Variants in AGBL1 observed in about 807,000 individuals in gnomAD.
AGBL1 encodes the protein cytosolic carboxypeptidase 4.
In AGBL1, 130 loss-of-function variants were observed where a neutral mutation model predicts 118.9. The observed-to-expected ratio is 1.09, with a 90% CI of 0.95 to 1.26. The LOEUF is 1.26. Among genes scored for constraint, AGBL1 ranks in the 50% most tolerant of loss-of-function variants. The pLI is 0.00. For missense variants in AGBL1, 1,584 were observed against 1,298.1 expected, an observed-to-expected ratio of 1.22 and a Z score of -3.38; for synonymous variants, 555 against 478.9, an observed-to-expected ratio of 1.16 and a Z score of -2.08.
chr15:86,356,849 T>G (rs1001534160), intron 17 of AGBL1, among the ~76,000 whole-genome samples: 1 of 152,194 alleles, frequency 6.6e-6, no homozygotes, highest in Non-Finnish European at 1.5e-5. Flanking sequence ...TCATTTTACA[T>G]TTGAGTCAGC....
chr15:86,998,989 T>C (rs1449942051), intron 24 of AGBL1, among the ~76,000 whole-genome samples: 1 of 151,094 alleles, frequency 6.6e-6, no homozygotes, highest in Non-Finnish European at 1.5e-5. Flanking sequence ...ATTAGGTGTA[T>C]CTACTAATGC....
intron 18 of AGBL1, among the ~76,000 whole-genome samples, chr15:86,520,913 G>A (rs987924953): frequency 5.3e-5 from 8 of 152,076 alleles, no homozygotes; most frequent in South Asian, 2.1e-4. Flanking sequence ...TGTTGCTATC[G>A]GCATTGAAAA....
chr15:86,190,306 T>C (rs1476725781), intron 5 of AGBL1, among the ~76,000 whole-genome samples: 1 of 152,118 alleles, frequency 6.6e-6, no homozygotes, highest in Non-Finnish European at 1.5e-5. Context: ...TTTTCTCACA[T>C]ATATTTGTTT....
intron 22 of AGBL1, among the ~76,000 whole-genome samples, chr15:86,756,551 C>A (rs1303316041): frequency 6.6e-6 from 1 of 151,992 alleles, no homozygotes. Flanking sequence ...AAGAATTTAA[C>A]CTAGAATAAG....
chr15:86,215,235 G>A (rs1316738442), intron 5 of AGBL1, among the ~76,000 whole-genome samples: 1 of 142,152 alleles, frequency 7.0e-6, no homozygotes, highest in East Asian at 2.0e-4. Context: ...GTGTGTGTGT[G>A]TGTGTGTGTG....
At chr15:86,404,940 G>A (rs866518173) in intron 18 of AGBL1, among the ~76,000 whole-genome samples, 8 of 152,070 alleles carry the variant, frequency 5.3e-5, no homozygotes, top group African/African-American at 1.9e-4. Context: ...AAATGTACCT[G>A]AAAAATGGGC....
chr15:86,846,711 T>C (rs749104542), intron 22 of AGBL1, among the ~76,000 whole-genome samples: 1 of 152,160 alleles, frequency 6.6e-6, no homozygotes, highest in Non-Finnish European at 1.5e-5. Context: ...TTTGTATTTT[T>C]AGTAGAGACG....
At chr15:86,438,208 G>A (rs1683865115) in intron 18 of AGBL1, among the ~76,000 whole-genome samples, 1 of 152,074 alleles carries the variant, frequency 6.6e-6, no homozygotes, top group Non-Finnish European at 1.5e-5. Context: ...ACCCGGCCAA[G>A]CCTCAGTTTT....
At chr15:86,541,668 T>C (rs2142242607) in intron 19 of AGBL1, among the ~76,000 whole-genome samples, 1 of 148,828 alleles carries the variant, frequency 6.7e-6, no homozygotes, top group African/African-American at 2.5e-5. Context: ...TAGGACATCA[T>C]GCAAATCATG....
chr15:86,113,766 A>G lies in AGBL1; in HGVS notation c.52-28238A>G, dbSNP rs140637349. ...GGTGCTCACTATGCGAAGTGAACAA[A>G]TAGGGAATGCCACTTCCCAATAGTA... On this transcript the variant is annotated intron_variant, in intron 1 of 22. Coordinates refer to ENST00000614907, the MANE Select transcript of AGBL1 (RefSeq NM_001386094.1). 8.0e-3 allele frequency among the ~76,000 whole-genome samples: 1,217 copies of G among 152,342 alleles called. 24 individuals are homozygous for G. The highest frequency in any genetic ancestry group is 0.028 in the African/African-American group (1,148 of 41,572).
At chr15:86,648,696 T>A (rs2085324561) in intron 21 of AGBL1, among the ~76,000 whole-genome samples, 1 of 152,112 alleles carries the variant, frequency 6.6e-6, no homozygotes, top group African/African-American at 2.4e-5. Flanking sequence ...GTGTAGAGAC[T>A]AACAGAAGAC....
chr15:86,896,115 T>C (rs2080122283), intron 22 of AGBL1, among the ~76,000 whole-genome samples: 1 of 152,142 alleles, frequency 6.6e-6, no homozygotes, highest in Non-Finnish European at 1.5e-5. Context: ...GTTTAATATT[T>C]AAATCTACCT....
intron 22 of AGBL1, among the ~76,000 whole-genome samples, chr15:86,840,620 T>A (rs1466907543): frequency 1.3e-5 from 2 of 152,000 alleles, no homozygotes; most frequent in Non-Finnish European, 2.9e-5. Context: ...TAATTTTGTA[T>A]TTTTAGTACA....
intron 17 of AGBL1, among the ~76,000 whole-genome samples, chr15:86,309,348 C>G (rs1179774617): frequency 6.6e-6 from 1 of 152,142 alleles, no homozygotes; most frequent in Non-Finnish European, 1.5e-5. Context: ...ATGTCATCTA[C>G]AAACAGAAAA....
chr15:86,359,453 A>C (rs1482056224), intron 17 of AGBL1, among the ~76,000 whole-genome samples: 1 of 101,076 alleles, frequency 9.9e-6, no homozygotes, highest in Non-Finnish European at 2.0e-5. Flanking sequence ...GTTTTGTAAT[A>C]TATTTTGAAA....
chr15:86,898,692 G>T lies in AGBL1; in HGVS notation c.3159-8395G>T, dbSNP rs2080168049. Among the ~76,000 whole-genome samples the T allele has an allele frequency of 5.9e-5, 9 of 151,976 alleles. 1 individual carries two copies. In the South Asian group the frequency reaches 1.9e-3, roughly 32 times the overall value. On this transcript the variant is annotated intron_variant, in intron 22 of 22. Coordinates refer to ENST00000614907, the MANE Select transcript of AGBL1 (RefSeq NM_001386094.1). The stretch of plus-strand genomic sequence containing the variant: ...ATCCAGCATCTATAAGGAACTTAAA[G>T]AGGAAAACAAACAACCCTATTAAAA...
chr15:86,870,506 A>G (rs1391047935), intron 22 of AGBL1, among the ~76,000 whole-genome samples: 2 of 142,362 alleles, frequency 1.4e-5, no homozygotes, highest in African/African-American at 5.1e-5. Context: ...AGAAGAAACA[A>G]ACACAGCAAA....
At chr15:86,761,099 C>T (rs1408418017) in intron 22 of AGBL1, among the ~76,000 whole-genome samples, 1 of 152,046 alleles carries the variant, frequency 6.6e-6, no homozygotes, top group Non-Finnish European at 1.5e-5. Context: ...GGAGCCTCTT[C>T]CTTAGACAAG....
intron 21 of AGBL1, among the ~76,000 whole-genome samples, chr15:86,662,100 A>G (rs1221365204): frequency 7.1e-6 from 1 of 141,412 alleles, no homozygotes; most frequent in East Asian, 2.4e-4. Context: ...ACCATGTAAA[A>G]TTGGAGAAAA....
Sources: allele counts gnomAD v4.1 joint callset (sites outside exome capture counted in the v4.1 genomes callset), GRCh38; gene constraint gnomAD v4.1.1; transcripts MANE v1.5; gene names NCBI Gene and HGNC (gene_info 2026-07-23, HGNC 2026-07-21).